ZNF136: variants seen among roughly 807,000 people sequenced by gnomAD.
ZNF136 encodes zinc finger protein 136 (clone pHZ-20).
Under a neutral mutation model 11.4 loss-of-function variants are expected in ZNF136, and 8 were observed. The observed-to-expected ratio is 0.70, with a 90% CI of 0.41 to 1.27. ZNF136 has a LOEUF of 1.27. Among genes scored for constraint, ZNF136 ranks in the 50% most tolerant of loss-of-function variants. The probability of loss-of-function intolerance (pLI) is 0.01; values close to 1 mark genes in which losing one functional copy is unlikely to be tolerated. For synonymous variants in ZNF136, 190 were observed against 207.1 expected (o/e 0.92, Z 0.71); for missense variants, 590 against 656.5 (o/e 0.90, Z 1.11).
chr19:12,177,936 C>T (rs1914841714), intron 1 of ZNF136, among the ~76,000 whole-genome samples: 1 of 152,116 alleles, frequency 6.6e-6, no homozygotes, highest in South Asian at 2.1e-4. Context: ...GGCAAAACCT[C>T]ATCTCTACCA....
intron 1 of ZNF136, among the ~76,000 whole-genome samples, chr19:12,179,349 G>A (rs941881928): frequency 1.4e-4 from 21 of 149,248 alleles, no homozygotes; most frequent in Non-Finnish European, 2.1e-4. Context: ...TCACTCTGTC[G>A]GCCAGGCTGG....
chr19:12,181,389 G>T (rs1426836870), intron 1 of ZNF136, among the ~76,000 whole-genome samples: 1 of 152,000 alleles, frequency 6.6e-6, no homozygotes. Context: ...TATAATTTCT[G>T]CAGTCCCCAA....
At chr19:12,186,282 T>C in intron 3 of ZNF136, 108 bp downstream of exon 3, 1 of 1,197,720 alleles carries the variant, frequency 8.3e-7, no homozygotes, top group Non-Finnish European at 1.2e-6. Context: ...AATTGATTTA[T>C]TTTTTGAATA....
intron 1 of ZNF136, among the ~76,000 whole-genome samples, chr19:12,177,659 T>G (rs887776307): frequency 7.2e-5 from 11 of 152,232 alleles, no homozygotes; most frequent in African/African-American, 2.7e-4. Flanking sequence ...TTGAAAAATC[T>G]TTTTGGTAAC....
chr19:12,165,956 G>A (rs1356217978), intron 1 of ZNF136, among the ~76,000 whole-genome samples: 2 of 152,116 alleles, frequency 1.3e-5, no homozygotes, highest in African/African-American at 4.8e-5. Context: ...GGCTGGGTGC[G>A]GTGGCTCACG....
Position 12,163,177 on chromosome 19 carries a change from G to A in ZNF136, c.-27G>A. On this transcript the variant is annotated 5_prime_UTR_variant, in exon 1 of 4. Transcript: ENST00000343979. ...TACCTGCCTTGGGATCCGGAGGGAG[G>A]AAGCTGGGACACCCGGGAGTCAGGA... is the stretch of plus-strand genomic sequence containing the variant. 3 of 1,402,824 alleles carry A rather than the reference G, an allele frequency of 2.1e-6. No individual in the cohort carries two copies. Among genetic ancestry groups the A allele is most frequent in the Non-Finnish European group, 2.8e-6 (3 of 1,071,598 alleles). 86.9% of individuals were successfully genotyped at this position (1,402,824 alleles called of 1,614,324 possible). A position where few individuals can be genotyped will look rare whatever the true frequency, so the allele number is the denominator to read the frequency against.
chr19:12,168,069 T>C (rs893639026), intron 1 of ZNF136, among the ~76,000 whole-genome samples: 42 of 123,102 alleles, frequency 3.4e-4, no homozygotes, highest in African/African-American at 1.1e-3. Context: ...TTTTTTTTTT[T>C]TTTTTTTTTT....
Position 12,174,857 on chromosome 19 carries a change from C to CTTT in ZNF136, c.4-10912_4-10910dup, listed in dbSNP as rs538143217. On this transcript the variant is annotated intron_variant, in intron 1 of 3. Transcript: ENST00000343979. Reference sequence around the variant, plus strand: ...TCACCATGTTAGTCAGGATGGCTTTCTTTTTTTTTTTTTTTTTTGAGACGG... The same window carrying CTTT: ...TCACCATGTTAGTCAGGATGGCTTTCTTTTTTTTTTTTTTTTTTTTTGAGACGG... Among the ~76,000 whole-genome samples the CTTT allele has an allele frequency of 1.6e-3, 140 of 87,220 alleles. 3 individuals are homozygous for CTTT. The East Asian group carries it at 0.027, about 17-fold the overall frequency. The allele number at this position is 87,220 out of a possible 152,430, so 57.2% of individuals were successfully genotyped here.
At chr19:12,183,473 C>G (rs1914996756) in intron 1 of ZNF136, among the ~76,000 whole-genome samples, 1 of 152,018 alleles carries the variant, frequency 6.6e-6, no homozygotes, top group Admixed American at 6.6e-5. Context: ...TAGAGTGTAG[C>G]CTTGAGAAGG....
chr19:12,164,439 CTTTTTTTTTTT>C (rs61233117), intron 1 of ZNF136, among the ~76,000 whole-genome samples: 4 of 122,850 alleles, frequency 3.3e-5, no homozygotes, highest in Non-Finnish European at 5.1e-5. Context: ...TCCCAGATAA[CTTTTTTTTTTT>C]TTTTTTTTTT....
In ZNF136 at chr19:12,170,029, C is replaced by T. The variant is rs552337371; in HGVS notation, c.3+6823C>T. ...CAGGGTGGTCTCGATCTCCTGACCT[C>T]GTGATCTGCCCACCTTGGCCTCCCA... On this transcript the variant is annotated intron_variant, in intron 1 of 3. Transcript: ENST00000343979. Among the ~76,000 whole-genome samples the T allele has an allele frequency of 6.1e-4, 89 of 144,826 alleles. 1 individual carries two copies. Among genetic ancestry groups the T allele is most frequent in the Admixed American group, 4.0e-3 (56 of 13,852 alleles).
chr19:12,167,753 A>G (rs1035994471), intron 1 of ZNF136, among the ~76,000 whole-genome samples: 1 of 152,196 alleles, frequency 6.6e-6, no homozygotes, highest in Admixed American at 6.5e-5. Flanking sequence ...ACCTTTGTAC[A>G]AAAGGCAAAA....
At chr19:12,167,878 C>T (rs1288062727) in intron 1 of ZNF136, among the ~76,000 whole-genome samples, 6 of 152,136 alleles carry the variant, frequency 3.9e-5, no homozygotes, top group Middle Eastern at 3.4e-3. Context: ...TACTCAAGCC[C>T]TATAATCCAG....
chr19:12,186,276 G>T, intron 3 of ZNF136, 102 bp downstream of exon 3: 1 of 1,235,886 alleles, frequency 8.1e-7, no homozygotes, highest in South Asian at 1.5e-5. Context: ...GCTTCAAATT[G>T]ATTTATTTTT....
chr19:12,185,765 A>G lies in ZNF136; in HGVS notation c.4-20A>G. The stretch of plus-strand genomic sequence containing the variant: ...GTCTGTCTCACCCATTCTCCTCTCC[A>G]CATATGTGGGATGTTTCAGGACTCG... On this transcript the variant is annotated intron_variant, in intron 1 of 3. Coordinates refer to ENST00000343979, the MANE Select transcript of ZNF136 (RefSeq NM_003437.5). The G allele has an allele frequency of 6.2e-7, 1 of 1,610,394 alleles. No individual in the cohort carries two copies. The highest frequency in any genetic ancestry group is 8.5e-7 in the Non-Finnish European group (1 of 1,179,034).
chr19:12,182,761 G>A (rs1418117551), intron 1 of ZNF136, among the ~76,000 whole-genome samples: 1 of 152,092 alleles, frequency 6.6e-6, no homozygotes, highest in African/African-American at 2.4e-5. Flanking sequence ...GGGGGTGGGG[G>A]CACAGTCCAC....
At chr19:12,181,776 A>G (rs1020290135) in intron 1 of ZNF136, among the ~76,000 whole-genome samples, 1 of 152,056 alleles carries the variant, frequency 6.6e-6, no homozygotes, top group Non-Finnish European at 1.5e-5. Flanking sequence ...CTGGGACTAC[A>G]GGCACCCACC....
intron 1 of ZNF136, among the ~76,000 whole-genome samples, chr19:12,175,703 T>G (rs138114703): frequency 6.6e-6 from 1 of 152,348 alleles, no homozygotes; most frequent in East Asian, 1.9e-4. Flanking sequence ...ATTCTTGCAG[T>G]TGTACATTCT....
chr19:12,172,967 G>A (rs1024874592), intron 1 of ZNF136, among the ~76,000 whole-genome samples: 2 of 152,082 alleles, frequency 1.3e-5, no homozygotes, highest in South Asian at 2.1e-4. Context: ...AGCCGAGATT[G>A]CGTCACTGCA....
Sources: gnomAD v4.1 joint callset for allele counts (sites outside exome capture counted in the v4.1 genomes callset) on GRCh38, gnomAD v4.1.1 for gene constraint, MANE v1.5 for transcripts, NCBI Gene and HGNC (gene_info 2026-07-23, HGNC 2026-07-21) for gene names.